The following PTK2 variants were observed in gnomAD, a reference collection of about 807,000 sequenced individuals.
PTK2 encodes the protein focal adhesion kinase 1.
PTK2 carries 45 observed loss-of-function variants against 150.1 expected under a neutral mutation model. That is an observed-to-expected ratio of 0.30 (90% confidence interval 0.24 to 0.38). The LOEUF (loss-of-function observed/expected upper bound fraction) is 0.38, where lower values mean the gene tolerates loss of function less well. PTK2 is among the 10% of genes least tolerant of loss of function. PTK2 has a pLI of 1.00. For synonymous variants in PTK2, 432 were observed against 449.2 expected (o/e 0.96, Z 0.48); for missense variants, 919 against 1,307.3 (o/e 0.70, Z 4.58).
chr8:140,764,108 T>C, intron 15 of PTK2, 126 bp downstream of exon 17: 1 of 834,516 alleles, frequency 1.2e-6, no homozygotes. Flanking sequence ...TTGAAAAGAA[T>C]ATTTCTGTTC....
At chr8:140,821,082 G>A (rs1258368594) in intron 8 of PTK2, 1 of 152,430 alleles carries the variant, frequency 6.6e-6, no homozygotes, top group Non-Finnish European at 1.5e-5. Flanking sequence ...CAGAGAGAAG[G>A]ATACACACAA....
intron 1 of PTK2, among the ~76,000 whole-genome samples, chr8:140,985,759 A>G (rs2100193065): frequency 6.6e-6 from 1 of 152,240 alleles, no homozygotes; most frequent in South Asian, 2.1e-4. Flanking sequence ...GGTCTAAGAC[A>G]CAGATCAACA....
chr8:140,938,330 A>C (rs1351743363), intron 1 of PTK2, among the ~76,000 whole-genome samples: 1 of 152,222 alleles, frequency 6.6e-6, no homozygotes, highest in Non-Finnish European at 1.5e-5. Flanking sequence ...AAGGTATCTA[A>C]GTTGCTGCAC....
At chr8:140,769,832 T>G (rs2100074541) in intron 14 of PTK2, among the ~76,000 whole-genome samples, 1 of 152,230 alleles carries the variant, frequency 6.6e-6, no homozygotes, top group Non-Finnish European at 1.5e-5. Context: ...GTCAATGTAT[T>G]ACATGAAGTT....
chr8:140,818,446 G>C, intron 9 of PTK2, 92 bp from the exon 10 acceptor site: 2 of 1,103,772 alleles, frequency 1.8e-6, no homozygotes, highest in Non-Finnish European at 2.8e-6. Context: ...AAGGACCAAA[G>C]CAGGGGCTGG....
chr8:140,769,220 C>T (rs1300694912), intron 14 of PTK2, among the ~76,000 whole-genome samples: 1 of 152,170 alleles, frequency 6.6e-6, no homozygotes, highest in East Asian at 1.9e-4. Context: ...AATTATCACA[C>T]AGATACCACA....
intron 11 of PTK2, among the ~76,000 whole-genome samples, chr8:140,802,401 G>C (rs570670743): frequency 5.5e-4 from 84 of 152,040 alleles, no homozygotes; most frequent in African/African-American, 1.9e-3. Context: ...TTGTACAGCT[G>C]TACAATATAT....
chr8:140,846,226 A>AT, intron 7 of PTK2, 34 bp downstream of exon 7: 1 of 1,501,410 alleles, frequency 6.7e-7, no homozygotes, highest in Non-Finnish European at 9.1e-7. Context: ...AGTTCTGCAT[A>AT]TTTGCAGGTA....
chr8:140,711,741 G>A (rs898917378), intron 23 of PTK2, among the ~76,000 whole-genome samples: 4 of 152,194 alleles, frequency 2.6e-5, no homozygotes, highest in African/African-American at 4.8e-5. Context: ...ACAAACAGGT[G>A]TAAGGATCTG....
At chr8:140,919,634 T>C (rs899886998) in intron 2 of PTK2, among the ~76,000 whole-genome samples, 5 of 152,014 alleles carry the variant, frequency 3.3e-5, no homozygotes, top group African/African-American at 9.7e-5. Context: ...TCAAGAAGTA[T>C]AGAATTCTTT....
At chr8:140,982,764 A>C (rs1351022333) in intron 1 of PTK2, among the ~76,000 whole-genome samples, 1 of 152,252 alleles carries the variant, frequency 6.6e-6, no homozygotes, top group Non-Finnish European at 1.5e-5. Context: ...ATGTTAGCGT[A>C]CGTTTTCAGA....
intron 25 of PTK2, 47 bp downstream of exon 28, chr8:140,702,523 C>T (rs1225937448): frequency 6.3e-7 from 1 of 1,597,396 alleles, no homozygotes; most frequent in Non-Finnish European, 8.6e-7. Context: ...CCCAGCTTTG[C>T]CATGCTTTAT....
intron 14 of PTK2, among the ~76,000 whole-genome samples, chr8:140,788,799 C>T (rs1311509570): frequency 6.6e-6 from 1 of 152,072 alleles, no homozygotes; most frequent in African/African-American, 2.4e-5. Context: ...TATATAAGAA[C>T]AAATTACATA....
At chr8:140,718,281 C>G (rs1301189974) in intron 22 of PTK2, 3 of 152,988 alleles carry the variant, frequency 2.0e-5, no homozygotes, top group African/African-American at 4.8e-5. Context: ...TTGCTTTAAG[C>G]TGGAAACCCC....
intron 23 of PTK2, among the ~76,000 whole-genome samples, chr8:140,714,985 T>C (rs192004723): frequency 6.6e-5 from 10 of 151,730 alleles, no homozygotes; most frequent in East Asian, 3.9e-4. Flanking sequence ...ACTGTGACCA[T>C]AGAAGCAGAA....
intron 4 of PTK2, among the ~76,000 whole-genome samples, chr8:140,878,378 C>T (rs2100146933): frequency 6.6e-6 from 1 of 152,154 alleles, no homozygotes. Flanking sequence ...GGTGGGCAGA[C>T]TGTTTGAGCC....
intron 1 of PTK2, among the ~76,000 whole-genome samples, chr8:140,974,192 G>A (rs1293050338): frequency 3.3e-5 from 5 of 152,054 alleles, no homozygotes; most frequent in Admixed American, 6.6e-5. Flanking sequence ...ACTGCTCGGC[G>A]GCCACCCTGC....
chr8:140,771,604 C>T (rs182952664), intron 14 of PTK2, among the ~76,000 whole-genome samples: 9 of 152,134 alleles, frequency 5.9e-5, no homozygotes, highest in Admixed American at 3.9e-4. Context: ...TGCATACTCA[C>T]GGGGTATCAT....
At chr8:140,799,824 A>G (rs1305101050) in intron 12 of PTK2, among the ~76,000 whole-genome samples, 1 of 152,230 alleles carries the variant, frequency 6.6e-6, no homozygotes, top group East Asian at 1.9e-4. Context: ...CTTAAGTCCC[A>G]TAATTCCCAA....
Sources: gnomAD v4.1 joint callset for allele counts (sites outside exome capture counted in the v4.1 genomes callset) on GRCh38, gnomAD v4.1.1 for gene constraint, MANE v1.5 for transcripts, NCBI Gene and HGNC (gene_info 2026-07-23, HGNC 2026-07-21) for gene names.